ERI1: variants seen among roughly 807,000 people sequenced by gnomAD.
ERI1 encodes 3'-5' exoribonuclease 1.
A neutral mutation model predicts 39.7 loss-of-function variants in ERI1; 39 were observed. The observed-to-expected ratio is 0.98, with a 90% CI of 0.76 to 1.28. The LOEUF is 1.28. Ranked by LOEUF, ERI1 falls within the 50% of genes most tolerant of loss-of-function variation. The probability of loss-of-function intolerance (pLI) is 0.00; values close to 1 mark genes in which losing one functional copy is unlikely to be tolerated. For synonymous variants in ERI1, 204 were observed against 149.6 expected (o/e 1.36, Z -2.65); for missense variants, 581 against 416.9 (o/e 1.39, Z -3.43).
In ERI1 at chr8:9,097,993, C is replaced by G. The variant is rs1307883161; in HGVS notation, n.300-18355C>G. 4.6e-5 allele frequency among the ~76,000 whole-genome samples: 7 copies of G among 152,264 alleles called. No homozygotes were observed. The East Asian group carries it at 5.8e-4, about 13-fold the overall frequency. On this transcript the variant is annotated intron_variant and non_coding_transcript_variant, in intron 3 of 3. Coordinates refer to the ERI1 transcript ENST00000518663. ...CAGCAACCTGAGTGGAATTGGAGACCATTATTCTAAGTGAAGTAACTCAGG... is the reference window on the plus strand; with the variant it reads ...CAGCAACCTGAGTGGAATTGGAGACGATTATTCTAAGTGAAGTAACTCAGG...
At chr8:9,022,957 AT>A in intron 6 of ERI1, among the ~76,000 whole-genome samples, 1 of 152,140 alleles carries the variant, frequency 6.6e-6, no homozygotes, top group Non-Finnish European at 1.5e-5. Context: ...GCTAAGGGTC[AT>A]TTTCTTAGAA....
chr8:9,063,602 C>A (rs1015279090), intron 3 of ERI1, among the ~76,000 whole-genome samples: 1 of 151,876 alleles, frequency 6.6e-6, no homozygotes, highest in African/African-American at 2.4e-5. Context: ...ACTGAGGGGA[C>A]AGGCGGGAGG....
chr8:9,015,865 G>T lies in ERI1; in HGVS notation c.499-457G>T, dbSNP rs1008204291. 7.9e-5 allele frequency among the ~76,000 whole-genome samples: 12 copies of T among 151,900 alleles called. 1 individual carries two copies. The highest frequency in any genetic ancestry group is 1.8e-4 in the Non-Finnish European group (12 of 67,978). On this transcript the variant is annotated intron_variant, in intron 3 of 6. Transcript: ENST00000250263. ...GACTATTTAGAATTTAGTTCAATTG[G>T]ATTTTTATATGAAAATAAAGACTAT... is the stretch of plus-strand genomic sequence containing the variant.
intron 3 of ERI1, among the ~76,000 whole-genome samples, chr8:9,042,408 T>A (rs1159564995): frequency 6.6e-6 from 1 of 152,222 alleles, no homozygotes; most frequent in Non-Finnish European, 1.5e-5. Context: ...TTAAATTTTA[T>A]ACATTAAGAA....
intron 3 of ERI1, among the ~76,000 whole-genome samples, chr8:9,086,866 G>T (rs1348446177): frequency 6.6e-6 from 1 of 152,076 alleles, no homozygotes; most frequent in Non-Finnish European, 1.5e-5. Flanking sequence ...ATGTTTTCCT[G>T]CAATGGACTT....
chr8:9,073,290 A>G (rs963826761), intron 3 of ERI1, among the ~76,000 whole-genome samples: 1 of 152,238 alleles, frequency 6.6e-6, no homozygotes, highest in African/African-American at 2.4e-5. Context: ...CGAACATGCA[A>G]GACACTATTT....
At chr8:9,033,698 G>C (rs1797741343), downstream of ERI1, among the ~76,000 whole-genome samples, 1 of 152,226 alleles carries the variant, frequency 6.6e-6, no homozygotes, top group Non-Finnish European at 1.5e-5. Context: ...GAGGTCCAGA[G>C]CGGTTAAGTT....
intron 3 of ERI1, among the ~76,000 whole-genome samples, chr8:9,012,175 C>A (rs1816744044): frequency 6.6e-6 from 1 of 152,204 alleles, no homozygotes; most frequent in African/African-American, 2.4e-5. Flanking sequence ...ATAACCACCA[C>A]TGTGGCCTAG....
chr8:9,077,385 A>G (rs760405420), intron 3 of ERI1, among the ~76,000 whole-genome samples: 3 of 152,170 alleles, frequency 2.0e-5, no homozygotes, highest in Non-Finnish European at 4.4e-5. Flanking sequence ...CCTGGAAGAA[A>G]CTGACAATAG....
At chr8:9,020,239 A>C in intron 5 of ERI1, 111 bp from the exon 6 acceptor site, 1 of 517,840 alleles carries the variant, frequency 1.9e-6, no homozygotes, top group Non-Finnish European at 3.3e-6. Context: ...GCTTGATGTT[A>C]CATTTGAATA....
At chr8:9,014,871 T>A (rs1817060403) in intron 3 of ERI1, among the ~76,000 whole-genome samples, 1 of 152,192 alleles carries the variant, frequency 6.6e-6, no homozygotes, top group African/African-American at 2.4e-5. Context: ...GGAGTCTTGC[T>A]TTGTCACCCA....
At position 9,018,350 on chromosome 8, in the gene ERI1, C is replaced by G. The variant is rs750340555; in HGVS notation, c.636C>G (p.Asp212Glu). Residue 212 changes from aspartate (D) to glutamate (E), a missense_variant, in exon 5 of 7, where the codon GAC becomes GAG. By Grantham distance (45) the Asp-to-Glu change is conservative (BLOSUM62 2). Coordinates refer to ENST00000250263, the MANE Select transcript of ERI1 (RefSeq NM_153332.4). ...CTCAGGTACTAAAAAAAGTAATTGA[C>G]TGGATGAAATTGAAGGAATTAGGAA... ...TFPQVLKKVI[D>E]WMKLKELGTK... The G allele has an allele frequency of 2.5e-6, 4 of 1,612,154 alleles. No homozygotes were observed. The highest frequency in any genetic ancestry group is 3.3e-5 in the Admixed American group (2 of 59,966).
chr8:9,089,031 T>A (rs942580957), intron 3 of ERI1, among the ~76,000 whole-genome samples: 1 of 152,224 alleles, frequency 6.6e-6, no homozygotes, highest in African/African-American at 2.4e-5. Flanking sequence ...AGGGTAGAAC[T>A]GTGGCTCAAC....
At chr8:9,016,601 C>T (rs564768714) in intron 4 of ERI1, among the ~76,000 whole-genome samples, 196 bp downstream of exon 4, 1 of 150,334 alleles carries the variant, frequency 6.7e-6, no homozygotes, top group African/African-American at 2.4e-5. Context: ...CTCAGCCTTT[C>T]CTCTTAAGGA....
intron 6 of ERI1, among the ~76,000 whole-genome samples, chr8:9,027,491 A>G (rs1357848881): frequency 6.6e-6 from 1 of 152,102 alleles, no homozygotes; most frequent in African/African-American, 2.4e-5. Context: ...AATGTTGATG[A>G]AGTCTACTTT....
At chr8:9,026,267 C>A (rs866253234) in intron 6 of ERI1, among the ~76,000 whole-genome samples, 1 of 152,120 alleles carries the variant, frequency 6.6e-6, no homozygotes, top group African/African-American at 2.4e-5. Flanking sequence ...AAAATGCTCT[C>A]AATCATTTTT....
At chr8:9,050,867 A>G (rs1798334648) in intron 3 of ERI1, among the ~76,000 whole-genome samples, 1 of 152,074 alleles carries the variant, frequency 6.6e-6, no homozygotes, top group Admixed American at 6.6e-5. Context: ...GACCAAAGAG[A>G]TAATAAGGTG....
intron 3 of ERI1, among the ~76,000 whole-genome samples, chr8:9,039,348 T>C (rs1797948530): frequency 6.6e-6 from 1 of 152,224 alleles, no homozygotes; most frequent in South Asian, 2.1e-4. Context: ...ATGTTCATCA[T>C]ATAATGAAAT....
At chr8:9,082,182 A>G (rs1201878636) in intron 3 of ERI1, among the ~76,000 whole-genome samples, 2 of 152,220 alleles carry the variant, frequency 1.3e-5, no homozygotes, top group East Asian at 3.8e-4. Flanking sequence ...AGCCTGGTTT[A>G]GAGGGGAAGG....
Sources: gnomAD v4.1 joint callset for allele counts (sites outside exome capture counted in the v4.1 genomes callset) on GRCh38, gnomAD v4.1.1 for gene constraint, MANE v1.5 for transcripts, NCBI Gene and HGNC (gene_info 2026-07-23, HGNC 2026-07-21) for gene names.